Variants in MDGA2 observed in about 807,000 individuals in gnomAD.
MDGA2 encodes the protein MAM domain-containing glycosylphosphatidylinositol anchor protein 2.
Under a neutral mutation model 117.8 loss-of-function variants are expected in MDGA2, and 40 were observed. The observed-to-expected ratio is 0.34, with a 90% CI of 0.26 to 0.44. The LOEUF is 0.44. Among genes scored for constraint, MDGA2 ranks in the 20% least tolerant of loss-of-function variants. The pLI is 1.00. For missense variants in MDGA2, 1,123 were observed against 1,250.6 expected, an observed-to-expected ratio of 0.90 and a Z score of 1.54; for synonymous variants, 452 against 439.0, an observed-to-expected ratio of 1.03 and a Z score of -0.37.
chr14:47,350,121 A>G (rs1447261742), intron 1 of MDGA2, among the ~76,000 whole-genome samples: 4 of 152,180 alleles, frequency 2.6e-5, no homozygotes, highest in Admixed American at 2.6e-4. Flanking sequence ...GATGTTCTGG[A>G]AATCTTTTTG....
In MDGA2 at chr14:47,240,247, T is replaced by C. The variant is rs1020574140; in HGVS notation, c.421-22052A>G. On this transcript the variant is annotated intron_variant, in intron 2 of 16. Transcript: ENST00000399232. Reference sequence around the variant, plus strand: ...TTTAGTAGAGATGGGGGTTTCACCATGTTGGTCAGGCTGGTCTTGAACTCC... The same window carrying C: ...TTTAGTAGAGATGGGGGTTTCACCACGTTGGTCAGGCTGGTCTTGAACTCC... Among the ~76,000 whole-genome samples, 12 of 151,762 alleles carry C rather than the reference T, an allele frequency of 7.9e-5. 1 individual carries two copies. The highest frequency in any genetic ancestry group is 2.4e-4 in the African/African-American group (10 of 41,388).
At chr14:47,157,771 C>T (rs1013401454) in intron 3 of MDGA2, among the ~76,000 whole-genome samples, 14 of 151,974 alleles carry the variant, frequency 9.2e-5, no homozygotes, top group South Asian at 2.1e-4. Flanking sequence ...ACGCTATTCT[C>T]GTGATAATAA....
In MDGA2 at chr14:47,069,003, ATCAGTATT is replaced by A. The variant is rs1566605065; in HGVS notation, c.1196-7433_1196-7426del. On this transcript the variant is annotated intron_variant, in intron 6 of 16. Coordinates refer to ENST00000399232, the MANE Select transcript of MDGA2 (RefSeq NM_001113498.3). ...TCCAGTTGGCCACTTCTTTTGAAAT[ATCAGTATT>A]TCCTCTTCCATACTGTATTCTCTCA... Among the ~76,000 whole-genome samples the A allele has an allele frequency of 2.6e-5, 4 of 152,246 alleles. No individual in the cohort carries two copies. The South Asian group carries it at 8.3e-4, about 32-fold the overall frequency.
At chr14:47,068,812 T>C (rs1035673067) in intron 6 of MDGA2, among the ~76,000 whole-genome samples, 1 of 152,180 alleles carries the variant, frequency 6.6e-6, no homozygotes, top group Admixed American at 6.6e-5. Flanking sequence ...AAATTGATCA[T>C]GTAGTTGTGA....
chr14:46,974,662 T>C (rs1363608768), intron 8 of MDGA2, among the ~76,000 whole-genome samples: 1 of 152,146 alleles, frequency 6.6e-6, no homozygotes, highest in African/African-American at 2.4e-5. Context: ...TTGTGAAAAC[T>C]GGATATTCAC....
At chr14:46,876,997 T>C (rs1166035515) in intron 12 of MDGA2, among the ~76,000 whole-genome samples, 1 of 151,574 alleles carries the variant, frequency 6.6e-6, no homozygotes, top group Admixed American at 6.6e-5. Flanking sequence ...AACAATTTTA[T>C]AGAATTCATA....
At chr14:47,259,913 T>G (rs1887740103) in intron 2 of MDGA2, among the ~76,000 whole-genome samples, 1 of 152,024 alleles carries the variant, frequency 6.6e-6, no homozygotes, top group African/African-American at 2.4e-5. Context: ...TATAAGAGAC[T>G]TTGACAAGAC....
intron 1 of MDGA2, among the ~76,000 whole-genome samples, chr14:47,604,500 C>T (rs978701189): frequency 7.6e-6 from 1 of 131,730 alleles, no homozygotes; most frequent in Non-Finnish European, 1.6e-5. Context: ...CCCCCCCACC[C>T]TCACCCCCCT....
chr14:47,043,121 G>A (rs1403883615), intron 7 of MDGA2, among the ~76,000 whole-genome samples: 4 of 151,746 alleles, frequency 2.6e-5, no homozygotes, highest in Non-Finnish European at 5.9e-5. Context: ...TTATAACCGC[G>A]TGTCAATTTT....
Position 46,882,034 on chromosome 14 carries a change from G to A in MDGA2, c.2416+10C>T, listed in dbSNP as rs1448202667. 1 of 1,503,696 alleles carries A rather than the reference G, an allele frequency of 6.7e-7. No homozygotes were observed. The highest frequency in any genetic ancestry group is 1.4e-5 in the South Asian group (1 of 69,292). The allele number at this position is 1,503,696 out of a possible 1,614,324, so 93.1% of individuals were successfully genotyped here. A position where few individuals can be genotyped will look rare whatever the true frequency, so the allele number is the denominator to read the frequency against. ...TATAAATAAATAATTTTAAATGAAAGGCTACTTACCACTATATTTGATCAC... is the reference window on the plus strand; with the variant it reads ...TATAAATAAATAATTTTAAATGAAAAGCTACTTACCACTATATTTGATCAC... On this transcript the variant is annotated intron_variant, in intron 11 of 16. Transcript: ENST00000399232.
rs547958157 is a variant in MDGA2, at chr14:47,179,481, T to C, written c.596-35207A>G. Among the ~76,000 whole-genome samples the C allele has an allele frequency of 1.4e-4, 22 of 152,174 alleles. No homozygotes were observed. In the South Asian group the frequency reaches 3.9e-3, roughly 27 times the overall value. ...TATATATTTGTGAAGACCTGATATA[T>C]CCATACTATTCAACTCCTAAAATCA... is the stretch of plus-strand genomic sequence containing the variant. On this transcript the variant is annotated intron_variant, in intron 3 of 16. Coordinates refer to ENST00000399232, the MANE Select transcript of MDGA2 (RefSeq NM_001113498.3).
chr14:47,645,121 A>T (rs932052362), intron 1 of MDGA2, among the ~76,000 whole-genome samples: 1 of 152,206 alleles, frequency 6.6e-6, no homozygotes. Context: ...AGAACTTAAG[A>T]TAACATATTT....
intron 3 of MDGA2, among the ~76,000 whole-genome samples, chr14:47,163,364 A>G (rs1566658534): frequency 6.6e-6 from 1 of 151,792 alleles, no homozygotes. Flanking sequence ...ATAATTCCCA[A>G]TGTTAGGGGA....
intron 1 of MDGA2, among the ~76,000 whole-genome samples, chr14:47,640,093 A>G (rs1412933976): frequency 6.6e-6 from 1 of 152,126 alleles, no homozygotes; most frequent in Non-Finnish European, 1.5e-5. Context: ...TGCTCTCTTG[A>G]CTGGGAGCGT....
chr14:46,873,206 G>C (rs1363006485), intron 14 of MDGA2: 2 of 417,046 alleles, frequency 4.8e-6, no homozygotes, highest in African/African-American at 4.1e-5. Flanking sequence ...CCTGATTTAG[G>C]ATTCCAAAGG....
intron 1 of MDGA2, among the ~76,000 whole-genome samples, chr14:47,496,495 C>A (rs1021872953): frequency 6.6e-6 from 1 of 152,072 alleles, no homozygotes; most frequent in African/African-American, 2.4e-5. Context: ...TCCCTTGGAT[C>A]AGCCTCCCAA....
Position 47,289,165 on chromosome 14 carries a change from T to A in MDGA2, c.420+12246A>T, listed in dbSNP as rs202100442. 6.6e-5 allele frequency among the ~76,000 whole-genome samples: 10 copies of A among 152,108 alleles called. No individual in the cohort carries two copies. The East Asian group carries it at 1.9e-3, about 29-fold the overall frequency. On this transcript the variant is annotated intron_variant, in intron 2 of 16. Transcript: ENST00000399232. ...AGTAAATTAATTGTCTTAATTGGCATCTTTAATGTGCTAACCAAAAGTGAA... is the reference window on the plus strand; with the variant it reads ...AGTAAATTAATTGTCTTAATTGGCAACTTTAATGTGCTAACCAAAAGTGAA...
At chr14:47,474,759 G>A (rs9652335) in intron 1 of MDGA2, among the ~76,000 whole-genome samples, 15,734 of 152,164 alleles carry the variant, frequency 0.1, 914 homozygotes, top group Middle Eastern at 0.15. Context: ...TTAATATATG[G>A]TGCTGGGAAC....
chr14:46,994,536 C>T (rs971561704), intron 8 of MDGA2, among the ~76,000 whole-genome samples: 33 of 151,882 alleles, frequency 2.2e-4, no homozygotes, highest in African/African-American at 8.0e-4. Context: ...CACACACACA[C>T]ACACACTCAA....
Sources: allele counts gnomAD v4.1 joint callset (sites outside exome capture counted in the v4.1 genomes callset), GRCh38; gene constraint gnomAD v4.1.1; transcripts MANE v1.5; gene names NCBI Gene and HGNC (gene_info 2026-07-23, HGNC 2026-07-21).